Variants in ADGRL2 observed in about 807,000 individuals in gnomAD.
ADGRL2 encodes the protein adhesion G protein-coupled receptor L2, also known as calcium-independent alpha-latrotoxin receptor 2.
A neutral mutation model predicts 157.4 loss-of-function variants in ADGRL2; 44 were observed. The observed-to-expected ratio is 0.28, with a 90% confidence interval of 0.22 to 0.36. ADGRL2 has a LOEUF of 0.36. ADGRL2 is among the 10% of genes least tolerant of loss of function. The pLI is 1.00. For synonymous variants in ADGRL2, 585 were observed against 624.7 expected, an observed-to-expected ratio of 0.94 and a Z score of 0.95; for missense variants, 1,510 against 1,768.9, an observed-to-expected ratio of 0.85 and a Z score of 2.63.
At chr1:81,346,528 G>C (rs1662494412) in intron 1 of ADGRL2, among the ~76,000 whole-genome samples, 1 of 152,160 alleles carries the variant, frequency 6.6e-6, no homozygotes, top group Non-Finnish European at 1.5e-5. Context: ...AGAGACTTTA[G>C]TGAGTAATTA....
chr1:81,366,654 T>C (rs569612900), intron 1 of ADGRL2, among the ~76,000 whole-genome samples: 28 of 152,350 alleles, frequency 1.8e-4, no homozygotes, highest in Non-Finnish European at 2.8e-4. Flanking sequence ...GAATTTCACA[T>C]GTAAACTGTG....
At chr1:81,907,892 C>T (rs534345106) in intron 3 of ADGRL2, among the ~76,000 whole-genome samples, 1 of 152,094 alleles carries the variant, frequency 6.6e-6, no homozygotes, top group Non-Finnish European at 1.5e-5. Context: ...ATACAGAATA[C>T]CTTCATGTGC....
chr1:81,672,185 ACT>A (rs1276775949), intron 3 of ADGRL2, among the ~76,000 whole-genome samples: 1 of 152,128 alleles, frequency 6.6e-6, no homozygotes, highest in East Asian at 1.9e-4. Flanking sequence ...GCCTTCTAAA[ACT>A]CTGCAGATTT....
intron 2 of ADGRL2, among the ~76,000 whole-genome samples, chr1:81,869,121 G>A (rs1336897940): frequency 1.3e-5 from 2 of 152,080 alleles, no homozygotes; most frequent in Non-Finnish European, 2.9e-5. Context: ...CTTACTCTTC[G>A]GTTTCTGGTT....
At chr1:81,736,314 G>A (rs902524320) in intron 1 of ADGRL2, among the ~76,000 whole-genome samples, 2 of 152,076 alleles carry the variant, frequency 1.3e-5, no homozygotes, top group African/African-American at 4.8e-5. Flanking sequence ...GACTCTTGGA[G>A]GCAGTTATAG....
intron 2 of ADGRL2, among the ~76,000 whole-genome samples, chr1:81,466,341 TTAAA>T (rs1361886720): frequency 6.6e-5 from 10 of 152,126 alleles, no homozygotes; most frequent in Admixed American, 3.3e-4. Flanking sequence ...AAGGTACAGG[TTAAA>T]TAAATTCGGT....
At chr1:81,737,376 A>C (rs1397161956) in intron 1 of ADGRL2, among the ~76,000 whole-genome samples, 1 of 152,114 alleles carries the variant, frequency 6.6e-6, no homozygotes, top group African/African-American at 2.4e-5. Context: ...AGAGAGAGAG[A>C]GTTAAGGGGG....
At chr1:81,320,099 C>A (rs1293231107) in intron 1 of ADGRL2, among the ~76,000 whole-genome samples, 1 of 152,196 alleles carries the variant, frequency 6.6e-6, no homozygotes, top group African/African-American at 2.4e-5. Flanking sequence ...ACAATGTCCA[C>A]AGCATCTTCA....
At chr1:81,517,552 C>T (rs954216592) in intron 2 of ADGRL2, among the ~76,000 whole-genome samples, 21 of 150,792 alleles carry the variant, frequency 1.4e-4, no homozygotes, top group Non-Finnish European at 2.7e-4. Context: ...CAACATATGG[C>T]TGCTGCCACT....
At chr1:81,338,118 G>A (rs998443991) in intron 1 of ADGRL2, among the ~76,000 whole-genome samples, 1 of 152,060 alleles carries the variant, frequency 6.6e-6, no homozygotes, top group Non-Finnish European at 1.5e-5. Context: ...ATCCCAGCAC[G>A]TTGGGAGGCC....
chr1:81,451,913 T>G (rs2101743708), intron 2 of ADGRL2, among the ~76,000 whole-genome samples: 1 of 152,332 alleles, frequency 6.6e-6, no homozygotes, highest in South Asian at 2.1e-4. Context: ...TTCAGATTTC[T>G]AAATTAAATT....
intron 3 of ADGRL2, among the ~76,000 whole-genome samples, chr1:81,683,939 C>G (rs1349201406): frequency 5.9e-5 from 9 of 152,084 alleles, no homozygotes; most frequent in Admixed American, 5.9e-4. Context: ...GCCTCAGCCT[C>G]CTGAGTAGCT....
Position 81,448,009 on chromosome 1 carries a change from T to A in ADGRL2, c.-248+2920T>A, listed in dbSNP as rs548198418. ...GCTCCGGCCATGTAAGTTGGCTTGC[T>A]TTCCCTTCACATTCTGCCATGATTG... On this transcript the variant is annotated intron_variant, in intron 2 of 24. Transcript: ENST00000370721. Among the ~76,000 whole-genome samples, 3 of 152,190 alleles carry A rather than the reference T, an allele frequency of 2.0e-5. No individual in the cohort carries two copies. The East Asian group carries it at 5.8e-4, about 29-fold the overall frequency.
chr1:81,581,371 C>T (rs140125054), intron 3 of ADGRL2, among the ~76,000 whole-genome samples: 98 of 152,148 alleles, frequency 6.4e-4, no homozygotes, highest in Middle Eastern at 3.4e-3. Flanking sequence ...TTTCTTTAAG[C>T]GGGAAAATAT....
At chr1:81,678,611 G>T (rs191032942) in intron 3 of ADGRL2, among the ~76,000 whole-genome samples, 2 of 152,224 alleles carry the variant, frequency 1.3e-5, no homozygotes, top group Admixed American at 1.3e-4. Flanking sequence ...TTCCATGCTA[G>T]CACAAAGGAA....
intron 2 of ADGRL2, among the ~76,000 whole-genome samples, chr1:81,561,117 C>A (rs1005137626): frequency 2.0e-5 from 3 of 152,098 alleles, no homozygotes; most frequent in African/African-American, 7.2e-5. Flanking sequence ...CCTTCCTCCA[C>A]AGCACACACT....
intron 3 of ADGRL2, among the ~76,000 whole-genome samples, chr1:81,918,621 G>T (rs151007141): frequency 6.6e-6 from 1 of 152,116 alleles, no homozygotes. Flanking sequence ...AGTGTAGCAA[G>T]CACGAGCTCT....
intron 3 of ADGRL2, among the ~76,000 whole-genome samples, chr1:81,683,920 G>T (rs758573560): frequency 4.6e-5 from 7 of 151,934 alleles, no homozygotes; most frequent in Non-Finnish European, 8.8e-5. Flanking sequence ...AAGTTCAAGC[G>T]ATTCTCCTGC....
chr1:81,848,891 A>G (rs2092901463), intron 2 of ADGRL2, among the ~76,000 whole-genome samples: 1 of 151,976 alleles, frequency 6.6e-6, no homozygotes, highest in African/African-American at 2.4e-5. Context: ...CACACAGATT[A>G]TCAGTCATCA....
Sources: allele counts gnomAD v4.1 joint callset (sites outside exome capture counted in the v4.1 genomes callset), GRCh38; gene constraint gnomAD v4.1.1; transcripts MANE v1.5; gene names NCBI Gene and HGNC (gene_info 2026-07-23, HGNC 2026-07-21).